The following STX8 variants were observed in gnomAD, a reference collection of about 807,000 sequenced individuals.
STX8 encodes syntaxin 8.
A neutral mutation model predicts 37.5 loss-of-function variants in STX8; 23 were observed. The observed-to-expected ratio is 0.61, with a 90% CI of 0.44 to 0.87. The LOEUF is 0.87. Among genes scored for constraint, STX8 ranks in the 40% least tolerant of loss-of-function variants. The pLI is 0.00. For synonymous variants in STX8, 115 were observed against 99.1 expected, an observed-to-expected ratio of 1.16 and a Z score of -0.95; for missense variants, 313 against 284.7, an observed-to-expected ratio of 1.10 and a Z score of -0.71.
chr17:9,524,240 T>C (rs911841186), intron 4 of STX8, among the ~76,000 whole-genome samples: 25 of 152,232 alleles, frequency 1.6e-4, no homozygotes. Context: ...TCAATTTCTG[T>C]CTCAGTCCTT....
chr17:9,338,759 G>A (rs1011268666), intron 7 of STX8, among the ~76,000 whole-genome samples: 1 of 152,104 alleles, frequency 6.6e-6, no homozygotes, highest in Admixed American at 6.6e-5. Context: ...TGTGTGTGGG[G>A]CCCAGATGTT....
chr17:9,560,747 GTT>G (rs11306412), intron 2 of STX8, among the ~76,000 whole-genome samples: 71 of 147,340 alleles, frequency 4.8e-4, no homozygotes, highest in Middle Eastern at 6.9e-3. Context: ...GCACAGTTTG[GTT>G]TTTTTTTTTT....
intron 6 of STX8, among the ~76,000 whole-genome samples, chr17:9,396,035 A>G (rs1201994649): frequency 6.6e-6 from 1 of 152,208 alleles, no homozygotes; most frequent in Non-Finnish European, 1.5e-5. Flanking sequence ...CTCAATGAAA[A>G]GTTTACTTTA....
intron 6 of STX8, among the ~76,000 whole-genome samples, chr17:9,473,296 G>C (rs1485418893): frequency 6.6e-6 from 1 of 152,120 alleles, no homozygotes; most frequent in Non-Finnish European, 1.5e-5. Flanking sequence ...TGGGATTACA[G>C]GCATGAGCCA....
intron 7 of STX8, among the ~76,000 whole-genome samples, chr17:9,290,946 G>A (rs1908292642): frequency 6.6e-6 from 1 of 152,106 alleles, no homozygotes; most frequent in African/African-American, 2.4e-5. Context: ...ACTACCTAAG[G>A]TCAGCTTCAA....
At chr17:9,420,504 CT>C (rs1311867712) in intron 6 of STX8, among the ~76,000 whole-genome samples, 1 of 152,188 alleles carries the variant, frequency 6.6e-6, no homozygotes, top group Non-Finnish European at 1.5e-5. Context: ...GCCCACAGCA[CT>C]TTCCCGCATC....
At chr17:9,279,990 T>C (rs1907823346) in intron 7 of STX8, among the ~76,000 whole-genome samples, 1 of 152,180 alleles carries the variant, frequency 6.6e-6, no homozygotes, top group Non-Finnish European at 1.5e-5. Flanking sequence ...ATCCCAGCAC[T>C]TCGGTGGATC....
chr17:9,544,592 C>T (rs1567604612), intron 4 of STX8, among the ~76,000 whole-genome samples: 1 of 152,078 alleles, frequency 6.6e-6, no homozygotes, highest in Admixed American at 6.6e-5. Flanking sequence ...GAAAACTCAA[C>T]CAAAGAATGC....
rs545445557 is a variant in STX8 at position 9,260,901 on chromosome 17, A to T, written c.644-10256T>A. ...TGCAGGAACACAGAAACGTGGAAAGAATCAACTGGAAAGAAGGCAGCAACT... is the reference window on the plus strand; with the variant it reads ...TGCAGGAACACAGAAACGTGGAAAGTATCAACTGGAAAGAAGGCAGCAACT... On this transcript the variant is annotated intron_variant, in intron 7 of 7. Coordinates refer to ENST00000306357, the MANE Select transcript of STX8 (RefSeq NM_004853.3). 1.2e-4 allele frequency among the ~76,000 whole-genome samples: 18 copies of T among 152,346 alleles called. No individual in the cohort carries two copies. The South Asian group carries it at 3.7e-3, about 32-fold the overall frequency.
intron 6 of STX8, among the ~76,000 whole-genome samples, chr17:9,418,596 A>G (rs1274400591): frequency 1.3e-5 from 2 of 150,444 alleles, no homozygotes; most frequent in Admixed American, 6.6e-5. Flanking sequence ...TAGGAGGCTG[A>G]GGCAGGCGGA....
intron 7 of STX8, among the ~76,000 whole-genome samples, chr17:9,321,183 T>C (rs1481287001): frequency 6.6e-6 from 1 of 152,112 alleles, no homozygotes; most frequent in Non-Finnish European, 1.5e-5. Flanking sequence ...GTAGAGCGTA[T>C]GAATGAAACC....
chr17:9,503,727 AC>A (rs1300127619), intron 5 of STX8, among the ~76,000 whole-genome samples: 2 of 152,148 alleles, frequency 1.3e-5, no homozygotes, highest in Non-Finnish European at 2.9e-5. Context: ...GTACATACTG[AC>A]ATTTTAAAAA....
intron 6 of STX8, among the ~76,000 whole-genome samples, chr17:9,430,185 TAAAA>T (rs1913905635): frequency 8.0e-6 from 1 of 125,362 alleles, no homozygotes; most frequent in South Asian, 2.3e-4. Flanking sequence ...TATATATAAA[TAAAA>T]TATAAATTAT....
chr17:9,396,903 C>T (rs1032778758), intron 6 of STX8, among the ~76,000 whole-genome samples: 1 of 152,076 alleles, frequency 6.6e-6, no homozygotes, highest in African/African-American at 2.4e-5. Flanking sequence ...AACTGCATTA[C>T]AAATGTATGC....
intron 7 of STX8, among the ~76,000 whole-genome samples, chr17:9,304,252 G>A (rs1908880509): frequency 6.6e-6 from 1 of 152,096 alleles, no homozygotes; most frequent in Non-Finnish European, 1.5e-5. Context: ...GCTCACGCCT[G>A]TAATCCCAGC....
At chr17:9,571,981 C>T (rs1907708070) in intron 1 of STX8, among the ~76,000 whole-genome samples, 1 of 151,594 alleles carries the variant, frequency 6.6e-6, no homozygotes, top group African/African-American at 2.4e-5. Context: ...TTGATAATCA[C>T]AGAAATTGGG....
In STX8 at chr17:9,537,547, T is replaced by C. The variant is rs114945365; in HGVS notation, c.323+7625A>G. The stretch of plus-strand genomic sequence containing the variant: ...GTATTAAAAGTGTGACATTCGCAGG[T>C]TTGTTAACACAGTCTATCACGTCCT... On this transcript the variant is annotated intron_variant, in intron 4 of 7. Transcript: ENST00000306357. Among the ~76,000 whole-genome samples, 1,217 of 141,818 alleles carry C rather than the reference T, an allele frequency of 8.6e-3. 19 individuals carry two copies. Among genetic ancestry groups the C allele is most frequent in the African/African-American group, 0.031 (1,163 of 37,986 alleles). 93.0% of individuals were successfully genotyped at this position (141,818 alleles called of 152,430 possible).
At chr17:9,256,151 T>A (rs2142120627) in intron 7 of STX8, among the ~76,000 whole-genome samples, 1 of 152,290 alleles carries the variant, frequency 6.6e-6, no homozygotes, top group African/African-American at 2.4e-5. Context: ...GAAGCTGGGG[T>A]TCTGGAAGGT....
intron 2 of STX8, among the ~76,000 whole-genome samples, chr17:9,566,467 G>A (rs1439584318): frequency 1.3e-5 from 2 of 152,186 alleles, no homozygotes; most frequent in Admixed American, 6.5e-5. Flanking sequence ...TATCCCCGAA[G>A]GAATAGAAAT....
Sources: allele counts gnomAD v4.1 joint callset (sites outside exome capture counted in the v4.1 genomes callset), GRCh38; gene constraint gnomAD v4.1.1; transcripts MANE v1.5; gene names NCBI Gene and HGNC (gene_info 2026-07-23, HGNC 2026-07-21).